Variants in IKBKG observed in about 807,000 individuals in gnomAD.
IKBKG encodes NF-kappa-B essential modulator.
In IKBKG, 2 loss-of-function variants were observed where a neutral mutation model predicts 13.7. The observed-to-expected ratio is 0.15, with a 90% CI of 0.06 to 0.46. IKBKG has a LOEUF of 0.46. Among genes scored for constraint, IKBKG ranks in the 20% least tolerant of loss-of-function variants. IKBKG has a pLI of 0.98. For missense variants in IKBKG, 53 were observed against 150.3 expected (o/e 0.35, Z 3.39); for synonymous variants, 22 against 64.4 (o/e 0.34, Z 3.15).
chrX:154,552,334 G>A (rs957091217), intron 2 of IKBKG, 145 bp downstream of exon 2: 54 of 443,713 alleles, frequency 1.2e-4, no homozygotes, highest in African/African-American at 2.0e-4. Flanking sequence ...GCAGATTAGC[G>A]GGGAGGAAGT....
At chrX:154,546,810 C>T, upstream of IKBKG, 27 of 1,163,449 alleles carry the variant, frequency 2.3e-5, no homozygotes, top group Non-Finnish European at 3.1e-5. Flanking sequence ...CGTCGTCGCC[C>T]TCCGCGCTCG....
chrX:154,552,994 A>G (rs1468956839), intron 2 of IKBKG, among the ~76,000 whole-genome samples: 5 of 112,008 alleles, frequency 4.5e-5, no homozygotes, highest in African/African-American at 6.5e-5. Context: ...GGCACCCGCC[A>G]TATACTCTTG....
chrX:154,549,781 T>G (rs1214949310), intron 1 of IKBKG, among the ~76,000 whole-genome samples: 1 of 112,262 alleles, frequency 8.9e-6, no homozygotes, highest in Non-Finnish European at 1.9e-5. Context: ...TTAATCCACT[T>G]TATGTCTCTG....
At chrX:154,547,585 G>C, upstream of IKBKG, 1 of 755,168 alleles carries the variant, frequency 1.3e-6, no homozygotes, top group Non-Finnish European at 1.6e-6. Context: ...GGCGGGGCTT[G>C]TGTTTTTACT....
Position 154,548,043 on chromosome X carries a change from G to A in IKBKG, c.-16+298G>A, listed in dbSNP as rs183785399. 12 of 753,896 alleles carry A rather than the reference G, an allele frequency of 1.6e-5. No homozygotes were observed. In the Admixed American group the frequency reaches 1.0e-3, roughly 65 times the overall value. The allele number at this position is 753,896 out of a possible 1,213,427, so 62.1% of individuals were successfully genotyped here. A position where few individuals can be genotyped will look rare whatever the true frequency, so the allele number is the denominator to read the frequency against. Reference sequence around the variant, plus strand: ...ACCAAACTTGACTGCGCTCTATCGAGGTCGTTAAATTCTTCGGAAATGCCT... The same window carrying A: ...ACCAAACTTGACTGCGCTCTATCGAAGTCGTTAAATTCTTCGGAAATGCCT... On this transcript the variant is annotated intron_variant, in intron 1 of 9. Coordinates refer to ENST00000594239, the MANE Select transcript of IKBKG (RefSeq NM_001099857.5).
chrX:154,552,209 ATCCAGCCCTG>A lies in IKBKG; in HGVS notation c.187+21_187+30del. On this transcript the variant is annotated intron_variant, in intron 2 of 9. Transcript: ENST00000594239. ...TCCGAGGTGAGGAAAGAGTCAGGGG[ATCCAGCCCTG>A]CTGAGGGGAAGGCGTCTTCTCCCCA... 8.6e-7 allele frequency: 1 copy of A among 1,162,430 alleles called. No individual in the cohort carries two copies. The highest frequency in any genetic ancestry group is 1.2e-6 in the Non-Finnish European group (1 of 861,357).
chrX:154,563,004 CTT>C, intron 7 of IKBKG, 51 bp downstream of exon 7: 1 of 691,457 alleles, frequency 1.4e-6, no homozygotes, highest in Non-Finnish European at 2.1e-6. Context: ...TGGAGAGTCT[CTT>C]TGGCGTCTTT....
rs1283352952 is a variant in IKBKG, at chrX:154,547,759, C to T, written c.-16+14C>T. ...CTCTGCTGACAGGTGTGGTCCTTTT[C>T]CCCAAAGACAGGGTTCCATCCGTGG... is the stretch of plus-strand genomic sequence containing the variant. On this transcript the variant is annotated intron_variant, in intron 1 of 9. Coordinates refer to ENST00000594239, the MANE Select transcript of IKBKG (RefSeq NM_001099857.5). 4.0e-6 allele frequency: 3 copies of T among 755,045 alleles called. No individual in the cohort carries two copies. The highest frequency in any genetic ancestry group is 4.7e-6 in the Non-Finnish European group (3 of 639,440). The allele number at this position is 755,045 out of a possible 1,213,427, so 62.2% of individuals were successfully genotyped here. A position where few individuals can be genotyped will look rare whatever the true frequency, so the allele number is the denominator to read the frequency against.
chrX:154,543,196 T>C (rs1440795759), upstream of IKBKG, among the ~76,000 whole-genome samples: 1 of 112,373 alleles, frequency 8.9e-6, no homozygotes, highest in Non-Finnish European at 1.9e-5. Flanking sequence ...CCTTGTCCCC[T>C]ACCCACAGTG....
upstream of IKBKG, among the ~76,000 whole-genome samples, chrX:154,544,580 C>T (rs781903360): frequency 8.9e-6 from 1 of 112,686 alleles, no homozygotes; most frequent in Non-Finnish European, 1.9e-5. Context: ...CAGGCGTGAG[C>T]CACCGTGCCC....
rs1394190042 is a variant in IKBKG at position 154,551,921 on chromosome X, CAT to C, written c.-15-65_-15-64del. On this transcript the variant is annotated intron_variant, in intron 1 of 9. Transcript: ENST00000594239. ...CTGTTTAAAATGTAGCCCCAGAACT[CAT>C]AGGCTTTTTCTGCTGGGTAAGGATG... 6 of 841,288 alleles carry C rather than the reference CAT, an allele frequency of 7.1e-6. No homozygotes were observed. The African/African-American group carries it at 1.0e-4, about 15-fold the overall frequency. The allele number at this position is 841,288 out of a possible 1,213,427, so 69.3% of individuals were successfully genotyped here.
chrX:154,548,369 T>G (rs1463185653), intron 1 of IKBKG, among the ~76,000 whole-genome samples: 1 of 111,646 alleles, frequency 9.0e-6, no homozygotes, highest in East Asian at 2.8e-4. Context: ...AGGAGGAATG[T>G]GATCGGAATT....
At chrX:154,552,338 AG>A in intron 2 of IKBKG, 149 bp downstream of exon 2, 1 of 436,248 alleles carries the variant, frequency 2.3e-6, no homozygotes, top group African/African-American at 2.5e-5. Flanking sequence ...ATTAGCGGGG[AG>A]GAAGTTTAGC....
chrX:154,547,369 G>C (rs781903425), upstream of IKBKG: 14 of 754,507 alleles, frequency 1.9e-5, no homozygotes, highest in Middle Eastern at 7.6e-4. Flanking sequence ...GGAGAGGGCG[G>C]GGCGGCCGAG....
intron 2 of IKBKG, among the ~76,000 whole-genome samples, chrX:154,552,573 G>C (rs1356734516): frequency 9.1e-6 from 1 of 109,539 alleles, no homozygotes; most frequent in Non-Finnish European, 1.9e-5. Flanking sequence ...GGACAGGGCA[G>C]AGTCGGCGCT....
chrX:154,548,722 C>T (rs1557234320), intron 1 of IKBKG, among the ~76,000 whole-genome samples: 2 of 110,888 alleles, frequency 1.8e-5, no homozygotes, highest in Admixed American at 9.6e-5. Flanking sequence ...CGCCACTACG[C>T]CCAGCTAATT....
chrX:154,543,969 G>A (rs2148344713), upstream of IKBKG, among the ~76,000 whole-genome samples: 3 of 108,337 alleles, frequency 2.8e-5, no homozygotes, highest in East Asian at 2.9e-4. Context: ...CCGAGTTCAC[G>A]CCTTTCTCCT....
upstream of IKBKG, among the ~76,000 whole-genome samples, chrX:154,544,001 G>C (rs1375576656): frequency 2.7e-5 from 3 of 109,172 alleles, no homozygotes; most frequent in African/African-American, 1.0e-4. Context: ...CTGAGTAGCT[G>C]GACTACAGGT....
intron 2 of IKBKG, among the ~76,000 whole-genome samples, chrX:154,553,190 C>T (rs1392990044): frequency 8.9e-6 from 1 of 112,597 alleles, no homozygotes; most frequent in East Asian, 2.8e-4. Flanking sequence ...CCCTTCCTTG[C>T]AGGAGTCATC....
Sources: gnomAD v4.1 joint callset for allele counts (sites outside exome capture counted in the v4.1 genomes callset) on GRCh38, gnomAD v4.1.1 for gene constraint, MANE v1.5 for transcripts, NCBI Gene and HGNC (gene_info 2026-07-23, HGNC 2026-07-21) for gene names.